RDH14: variants seen among roughly 807,000 people sequenced by gnomAD.
RDH14 encodes the protein retinol dehydrogenase 14.
In RDH14, 17 loss-of-function variants were observed where a neutral mutation model predicts 19.3. The ratio of observed to expected loss-of-function variants is 0.88; its 90% CI spans 0.60 to 1.32. RDH14 has a LOEUF of 1.32. RDH14 is among the 40% of genes most tolerant of loss of function. The probability of loss-of-function intolerance (pLI) is 0.00; values close to 1 mark genes in which losing one functional copy is unlikely to be tolerated. For missense variants in RDH14, 534 were observed against 449.2 expected (o/e 1.19, Z -1.71); for synonymous variants, 215 against 188.9 (o/e 1.14, Z -1.13).
Position 18,558,701 on chromosome 2 carries a change from C to T in RDH14, c.393+1479G>A, listed in dbSNP as rs79164332. ...ATGCTTATCTGATTGCTGACTCTGCCGTATTGTTTATGTGAAAATGCAGAC... is the reference window on the plus strand; with the variant it reads ...ATGCTTATCTGATTGCTGACTCTGCTGTATTGTTTATGTGAAAATGCAGAC... On this transcript the variant is annotated intron_variant, in intron 1 of 1. Coordinates refer to ENST00000381249, the MANE Select transcript of RDH14 (RefSeq NM_020905.4). Among the ~76,000 whole-genome samples, 571 of 152,248 alleles carry T rather than the reference C, an allele frequency of 3.8e-3. 3 individuals are homozygous for T. The highest frequency in any genetic ancestry group is 0.013 in the African/African-American group (547 of 41,544).
chr2:18,559,970 C>T (rs1186352238), intron 1 of RDH14, among the ~76,000 whole-genome samples: 1 of 152,146 alleles, frequency 6.6e-6, no homozygotes, highest in African/African-American at 2.4e-5. Flanking sequence ...GGACAGAAGG[C>T]AGCCCTCCCA....
chr2:18,557,183 C>T (rs1421948857), intron 1 of RDH14, among the ~76,000 whole-genome samples: 1 of 147,698 alleles, frequency 6.8e-6, no homozygotes, highest in East Asian at 2.0e-4. Context: ...CTTCTCTAGC[C>T]TTTTCTCGGT....
At position 18,560,395 on chromosome 2, in the gene RDH14, C is replaced by T. The variant is rs936708642; in HGVS notation, c.178G>A (p.Ala60Thr). ...GCTCCCAGGCGCAGTAGCTCGGCGG[C>T]CGTGGCGCGGCCCAGGCCGCTGTTC... The part of the protein sequence containing the change: ...GANSGLGRAT[A>T]AELLRLGARV... Residue 60 changes from alanine to threonine, a missense_variant, in exon 1 of 2, where the codon GCC becomes ACC. Ala to Thr is a moderately conservative substitution (Grantham distance 58). Coordinates refer to ENST00000381249, the MANE Select transcript of RDH14 (RefSeq NM_020905.4). 3 of 1,484,238 alleles carry T rather than the reference C, an allele frequency of 2.0e-6. No individual in the cohort carries two copies. Among genetic ancestry groups the T allele is most frequent in the Non-Finnish European group, 2.7e-6 (3 of 1,126,464 alleles). The allele number at this position is 1,484,238 out of a possible 1,614,324, so 91.9% of individuals were successfully genotyped here.
intron 1 of RDH14, among the ~76,000 whole-genome samples, chr2:18,558,995 C>T (rs1333851548): frequency 6.6e-6 from 1 of 152,146 alleles, no homozygotes. Flanking sequence ...TCCTCAGGAC[C>T]GCCTGAGGTT....
At chr2:18,555,956 C>T (rs183416737) in intron 1 of RDH14, 148 bp from the exon 2 acceptor site, 2 of 1,330,938 alleles carry the variant, frequency 1.5e-6, no homozygotes, top group South Asian at 1.8e-5. Context: ...GATCAGAGAA[C>T]TACTTGAAAC....
Position 18,555,637 on chromosome 2 carries a change from C to T in RDH14, c.565G>A (p.Val189Ile). ...LKSSAPSRIV[V>I]VSSKLYKYGD... The stretch of plus-strand genomic sequence containing the variant: ...TATTTATAAAGTTTGGAAGAAACTA[C>T]CACAATCCTGCTGGGAGCTGAACTT... The change falls in exon 2 of 2, where the codon GTA becomes ATA. Residue 189 changes from valine (V) to isoleucine (I), a missense_variant. By Grantham distance (29) the Val-to-Ile change is conservative. Transcript: ENST00000381249. 6.2e-7 allele frequency: 1 copy of T among 1,614,038 alleles called. No homozygotes were observed. Among genetic ancestry groups the T allele is most frequent in the Non-Finnish European group, 8.5e-7 (1 of 1,179,970 alleles).
chr2:18,556,729 A>C (rs182274236), intron 1 of RDH14, among the ~76,000 whole-genome samples: 1 of 152,350 alleles, frequency 6.6e-6, no homozygotes, highest in East Asian at 1.9e-4. Context: ...ACAGCTAGAG[A>C]GGCAATGAAA....
At position 18,555,263 on chromosome 2, in the gene RDH14, G is replaced by T; in HGVS notation, c.939C>A (p.Pro313=). Residue 313 remains proline, a synonymous_variant, in exon 2 of 2, where the codon CCC becomes CCA. Coordinates refer to ENST00000381249, the MANE Select transcript of RDH14 (RefSeq NM_020905.4). ...FGDCKEEELL[P]KAMDESVARK... ...TTGCAACAGATTCATCCATAGCTTT[G>T]GGCAACAGTTCTTCCTCTTTACAAT... 1 of 1,613,996 alleles carries T rather than the reference G, an allele frequency of 6.2e-7. No homozygotes were observed.
chr2:18,558,351 G>T (rs1471641709), intron 1 of RDH14, among the ~76,000 whole-genome samples: 1 of 152,070 alleles, frequency 6.6e-6, no homozygotes, highest in Non-Finnish European at 1.5e-5. Context: ...TAGCTACTAA[G>T]TTGTTAGGAC....
chr2:18,555,951 G>C (rs545187386), intron 1 of RDH14, 143 bp from the exon 2 acceptor site: 1 of 1,382,820 alleles, frequency 7.2e-7, no homozygotes, highest in East Asian at 2.4e-5. Context: ...CTATCGATCA[G>C]AGAACTACTT....
intron 1 of RDH14, among the ~76,000 whole-genome samples, chr2:18,556,627 AATAAG>A (rs1427615133): frequency 6.6e-6 from 1 of 152,192 alleles, no homozygotes; most frequent in African/African-American, 2.4e-5. Flanking sequence ...TAAGTAGCAA[AATAAG>A]ATCAGATCTG....
intron 1 of RDH14, 36 bp downstream of exon 1, chr2:18,560,144 G>A: frequency 6.6e-7 from 1 of 1,517,628 alleles, no homozygotes; most frequent in South Asian, 1.2e-5. Flanking sequence ...CCGTGCCCAG[G>A]CCCTCCCCAC....
Position 18,555,362 on chromosome 2 carries a change from T to C in RDH14, c.840A>G (p.Val280=). The C allele has an allele frequency of 1.2e-6, 2 of 1,614,082 alleles. No individual in the cohort carries two copies. The highest frequency in any genetic ancestry group is 1.1e-5 in the South Asian group (1 of 91,076). The change falls in exon 2 of 2, where the codon GTA becomes GTG. Residue 280 remains valine, a synonymous_variant. Coordinates refer to ENST00000381249, the MANE Select transcript of RDH14 (RefSeq NM_020905.4). ...LVSWAFFKTP[V]EGAQTSIYLA... is the part of the protein sequence containing the mutation. ...AATAAATGGAAGTCTGGGCACCTTC[T>C]ACTGGAGTTTTGAAAAAAGCCCATG...
At chr2:18,559,125 C>G (rs1285797816) in intron 1 of RDH14, among the ~76,000 whole-genome samples, 1 of 152,218 alleles carries the variant, frequency 6.6e-6, no homozygotes, top group African/African-American at 2.4e-5. Flanking sequence ...AACCTCTTCT[C>G]TAGACTCAAG....
At chr2:18,560,115 C>A in intron 1 of RDH14, 65 bp downstream of exon 1, 1 of 1,476,686 alleles carries the variant, frequency 6.8e-7, no homozygotes, top group African/African-American at 1.5e-5. Flanking sequence ...TCAGCCCCAG[C>A]CCGCAGTCCC....
chr2:18,557,331 T>A (rs1273771823), intron 1 of RDH14, among the ~76,000 whole-genome samples: 1 of 152,224 alleles, frequency 6.6e-6, no homozygotes, highest in African/African-American at 2.4e-5. Flanking sequence ...GAAAAATGTG[T>A]TACATTTCAC....
At position 18,560,237 on chromosome 2, in the gene RDH14, C is replaced by T. The variant is rs1249761820; in HGVS notation, c.336G>A (p.Arg112=). Residue 112 remains arginine (R), a synonymous_variant, in exon 1 of 2, where the codon CGG becomes CGA. Coordinates refer to ENST00000381249, the MANE Select transcript of RDH14 (RefSeq NM_020905.4). Reference sequence around the variant, plus strand: ...AGCGCAGCGAGGCGAGGTCCAGCTCCCGGACTATGAGCTCGCCCACCCCGC... The same window carrying T: ...AGCGCAGCGAGGCGAGGTCCAGCTCTCGGACTATGAGCTCGCCCACCCCGC... ...GVSGVGELIV[R]ELDLASLRSV... 4 of 1,525,758 alleles carry T rather than the reference C, an allele frequency of 2.6e-6. No individual in the cohort carries two copies. The African/African-American group carries it at 4.2e-5, about 16-fold the overall frequency. The allele number at this position is 1,525,758 out of a possible 1,614,324, so 94.5% of individuals were successfully genotyped here.
chr2:18,560,417 G>A lies in RDH14; in HGVS notation c.156C>T (p.Asn52=). 2 of 1,501,522 alleles carry A rather than the reference G, an allele frequency of 1.3e-6. No individual in the cohort carries two copies. The highest frequency in any genetic ancestry group is 2.5e-5 in the South Asian group (2 of 80,672). 93.0% of individuals were successfully genotyped at this position (1,501,522 alleles called of 1,614,324 possible). The part of the protein sequence containing the change: ...HGKTVLITGA[N]SGLGRATAAE... ...CGGCCGTGGCGCGGCCCAGGCCGCT[G>A]TTCGCCCCGGTGATCAGCACAGTCT... The change falls in exon 1 of 2, where the codon AAC becomes AAT. Residue 52 remains asparagine, a synonymous_variant. Transcript: ENST00000381249.
rs1426784444 is a variant in RDH14, at chr2:18,560,498, C to T, written c.75G>A (p.Val25=). Residue 25 remains valine (V), a synonymous_variant, in exon 1 of 2, where the codon GTG becomes GTA. Transcript: ENST00000381249. ...GALWLAARRF[V]GPRVQRLRRG... ...TGCGCAGCCGCTGGACCCTGGGCCCCACGAACCGGCGGGCCGCCAGCCACA... is the reference window on the plus strand; with the variant it reads ...TGCGCAGCCGCTGGACCCTGGGCCCTACGAACCGGCGGGCCGCCAGCCACA... 1.3e-6 allele frequency: 2 copies of T among 1,513,478 alleles called. No individual in the cohort carries two copies. Among genetic ancestry groups the T allele is most frequent in the East Asian group, 2.6e-5 (1 of 37,886 alleles). The allele number at this position is 1,513,478 out of a possible 1,614,324, so 93.8% of individuals were successfully genotyped here.
Sources: gnomAD v4.1 joint callset for allele counts (sites outside exome capture counted in the v4.1 genomes callset) on GRCh38, gnomAD v4.1.1 for gene constraint, MANE v1.5 for transcripts, NCBI Gene and HGNC (gene_info 2026-07-23, HGNC 2026-07-21) for gene names.